ADAMTS19: variants seen among roughly 807,000 people sequenced by gnomAD.
ADAMTS19 encodes the protein A disintegrin and metalloproteinase with thrombospondin motifs 19.
ADAMTS19 carries 93 observed loss-of-function variants against 153.3 expected under a neutral mutation model. That is an observed-to-expected ratio of 0.61 (90% CI 0.51 to 0.72). ADAMTS19 has a LOEUF of 0.72. Among genes scored for constraint, ADAMTS19 ranks in the 30% least tolerant of loss-of-function variants. The pLI, the probability that ADAMTS19 is intolerant of heterozygous loss-of-function variation, is 0.00. For missense variants in ADAMTS19, 1,482 were observed against 1,552.1 expected (o/e 0.95, Z 0.76); for synonymous variants, 600 against 556.6 (o/e 1.08, Z -1.10).
In ADAMTS19 at chr5:129,734,735, AG is replaced by A. The variant is rs1326267218; in HGVS notation, c.3313-196del. Among the ~76,000 whole-genome samples the A allele has an allele frequency of 2.0e-5, 3 of 152,104 alleles. No individual in the cohort carries two copies. The South Asian group carries it at 6.2e-4, about 32-fold the overall frequency. On this transcript the variant is annotated intron_variant, in intron 21 of 22. Transcript: ENST00000274487. ...ATTACCCAAAACTCTGTCTCAGATC[AG>A]CCAGAGGTTCTCAAAGGCATTGTGC...
intron 2 of ADAMTS19, among the ~76,000 whole-genome samples, chr5:129,475,117 T>TTA (rs942775297): frequency 1.3e-5 from 2 of 151,900 alleles, no homozygotes; most frequent in African/African-American, 4.8e-5. Context: ...TTTTTTTTTT[T>TTA]AATGGAACAT....
At chr5:129,664,555 T>G (rs532458636) in intron 15 of ADAMTS19, among the ~76,000 whole-genome samples, 9 of 152,200 alleles carry the variant, frequency 5.9e-5, no homozygotes, top group Non-Finnish European at 1.3e-4. Flanking sequence ...GGGGGGTATA[T>G]GCTACCTTTT....
chr5:129,583,690 G>T (rs1249310108), intron 7 of ADAMTS19, among the ~76,000 whole-genome samples: 1 of 151,038 alleles, frequency 6.6e-6, no homozygotes, highest in Non-Finnish European at 1.5e-5. Context: ...CCTTTCTTCT[G>T]CTTGATCAAT....
chr5:129,616,935 T>C (rs1025373774), intron 8 of ADAMTS19, among the ~76,000 whole-genome samples: 4 of 152,010 alleles, frequency 2.6e-5, no homozygotes, highest in African/African-American at 9.7e-5. Context: ...TGTGGTAGTT[T>C]AGAGGTTCAT....
chr5:129,720,962 A>G (rs1231572646), intron 21 of ADAMTS19, among the ~76,000 whole-genome samples: 1 of 152,190 alleles, frequency 6.6e-6, no homozygotes, highest in African/African-American at 2.4e-5. Context: ...CAGAAAGATA[A>G]TTTTATACTT....
At chr5:129,480,040 T>C (rs1750357928) in intron 2 of ADAMTS19, among the ~76,000 whole-genome samples, 2 of 152,142 alleles carry the variant, frequency 1.3e-5, no homozygotes, top group Non-Finnish European at 2.9e-5. Flanking sequence ...ACTTACATGA[T>C]CTTATTGAAG....
At chr5:129,676,646 T>C (rs74400288) in intron 16 of ADAMTS19, among the ~76,000 whole-genome samples, 3,064 of 152,330 alleles carry the variant, frequency 0.02, 75 homozygotes, top group African/African-American at 0.064. Flanking sequence ...TTGTCTAATT[T>C]TCTAGTTATT....
intron 21 of ADAMTS19, among the ~76,000 whole-genome samples, chr5:129,706,230 G>A (rs924364933): frequency 1.3e-5 from 2 of 152,088 alleles, no homozygotes; most frequent in Non-Finnish European, 2.9e-5. Context: ...TACAAACCAC[G>A]TAAAAAACTG....
intron 8 of ADAMTS19, among the ~76,000 whole-genome samples, chr5:129,609,469 C>T (rs538242750): frequency 9.2e-5 from 14 of 152,192 alleles, no homozygotes; most frequent in African/African-American, 3.4e-4. Flanking sequence ...GATTTTCAGC[C>T]TTCACTGGCC....
chr5:129,683,994 C>T, intron 17 of ADAMTS19, 126 bp from the exon 18 acceptor site: 1 of 981,564 alleles, frequency 1.0e-6, no homozygotes, highest in Non-Finnish European at 1.5e-6. Flanking sequence ...TCCACAACAG[C>T]AACAACAACA....
intron 7 of ADAMTS19, among the ~76,000 whole-genome samples, chr5:129,594,808 A>G (rs73785211): frequency 0.045 from 6,895 of 151,792 alleles, 491 homozygotes; most frequent in African/African-American, 0.16. Flanking sequence ...CCCTTCCCCA[A>G]TCCCTCTCTG....
At chr5:129,563,287 GTCA>G (rs1753588655) in intron 7 of ADAMTS19, among the ~76,000 whole-genome samples, 1 of 151,996 alleles carries the variant, frequency 6.6e-6, no homozygotes, top group East Asian at 1.9e-4. Flanking sequence ...AATTATTGAG[GTCA>G]TCTTTTTACT....
chr5:129,676,971 A>C (rs1049944433), intron 16 of ADAMTS19, among the ~76,000 whole-genome samples: 7 of 152,168 alleles, frequency 4.6e-5, no homozygotes, highest in Admixed American at 1.3e-4. Context: ...TGCCCTAAAA[A>C]TGTACTGAAT....
intron 6 of ADAMTS19, among the ~76,000 whole-genome samples, chr5:129,529,665 C>T (rs546463968): frequency 1.3e-5 from 2 of 152,198 alleles, no homozygotes; most frequent in Non-Finnish European, 1.5e-5. Context: ...TCTTAACTAG[C>T]GTAGCAAGCT....
intron 3 of ADAMTS19, among the ~76,000 whole-genome samples, chr5:129,523,183 G>T (rs775996620): frequency 5.4e-4 from 82 of 152,092 alleles, no homozygotes; most frequent in Non-Finnish European, 5.0e-4. Flanking sequence ...TAATAGAATA[G>T]AATAGGCAAG....
At chr5:129,622,731 T>C (rs1321696529) in intron 10 of ADAMTS19, among the ~76,000 whole-genome samples, 3 of 152,132 alleles carry the variant, frequency 2.0e-5, no homozygotes, top group Non-Finnish European at 4.4e-5. Flanking sequence ...TCCCAGCTGC[T>C]AAAGTCCCTT....
chr5:129,561,453 C>T (rs533915083), intron 7 of ADAMTS19, among the ~76,000 whole-genome samples: 1 of 150,884 alleles, frequency 6.6e-6, no homozygotes, highest in South Asian at 2.1e-4. Flanking sequence ...GGCGTGAACC[C>T]GGGAAGCGGA....
At chr5:129,561,108 T>C (rs1415695432) in intron 7 of ADAMTS19, among the ~76,000 whole-genome samples, 2 of 152,226 alleles carry the variant, frequency 1.3e-5, no homozygotes, top group African/African-American at 2.4e-5. Context: ...AGGACATGCA[T>C]TCATAATTTT....
intron 2 of ADAMTS19, among the ~76,000 whole-genome samples, chr5:129,489,048 C>G (rs1447099301): frequency 6.6e-6 from 1 of 152,008 alleles, no homozygotes; most frequent in Non-Finnish European, 1.5e-5. Flanking sequence ...ACAGTTGGCT[C>G]TTAGTTTTCT....
Sources: gnomAD v4.1 joint callset for allele counts (sites outside exome capture counted in the v4.1 genomes callset) on GRCh38, gnomAD v4.1.1 for gene constraint, MANE v1.5 for transcripts, NCBI Gene and HGNC (gene_info 2026-07-23, HGNC 2026-07-21) for gene names.